The following PDS5A variants were observed in gnomAD, a reference collection of about 807,000 sequenced individuals.
PDS5A encodes the protein PDS5 cohesin associated factor A.
PDS5A carries 42 observed loss-of-function variants against 167.1 expected under a neutral mutation model. The observed-to-expected ratio is 0.25, with a 90% CI of 0.20 to 0.33. The LOEUF (loss-of-function observed/expected upper bound fraction) is 0.33. Ranked by LOEUF, PDS5A falls within the 10% of genes least tolerant of loss-of-function variation. The pLI is 1.00. For synonymous variants in PDS5A, 553 were observed against 554.6 expected (o/e 1.00, Z 0.04); for missense variants, 1,033 against 1,605.9 (o/e 0.64, Z 6.10).
chr4:39,950,105 C>T (rs1728206883), intron 2 of PDS5A, among the ~76,000 whole-genome samples: 1 of 151,994 alleles, frequency 6.6e-6, no homozygotes, highest in East Asian at 1.9e-4. Flanking sequence ...TGGGGTTTCT[C>T]CATGTTGGTC....
In PDS5A at chr4:39,917,260, AT is replaced by A. The variant is rs376344613; in HGVS notation, c.736-73del. 1.1e-3 allele frequency: 1,104 copies of A among 996,348 alleles called. 10 individuals carry two copies. The African/African-American group carries it at 0.016, about 15-fold the overall frequency. 61.7% of individuals were successfully genotyped at this position (996,348 alleles called of 1,614,324 possible). ...AAACATGGATACATTTTTAATAAAC[AT>A]TTTTTATAAATAATTTAATTAGGTA... On this transcript the variant is annotated intron_variant, in intron 7 of 32. Coordinates refer to ENST00000303538, the MANE Select transcript of PDS5A (RefSeq NM_001100399.2).
Position 39,863,001 on chromosome 4 carries a change from A to G in PDS5A, c.2839T>C (p.Leu947=), listed in dbSNP as rs1259842299. Residue 947 remains leucine, a synonymous_variant, in exon 25 of 33, where the codon TTG becomes CTG. Transcript: ENST00000303538. ...HKALVKLLLP[L]EYMAIFALCA... Reference sequence around the variant, plus strand: ...AAGGCAAAGATCGCCATATACTCCAATGGGAGCAGTAACTTCACAAGTGCC... The same window carrying G: ...AAGGCAAAGATCGCCATATACTCCAGTGGGAGCAGTAACTTCACAAGTGCC... 8.7e-6 allele frequency: 14 copies of G among 1,613,342 alleles called. No individual in the cohort carries two copies. Among genetic ancestry groups the G allele is most frequent in the Admixed American group, 1.7e-5 (1 of 59,996 alleles).
chr4:39,882,398 G>C (rs986403593), intron 17 of PDS5A, among the ~76,000 whole-genome samples: 2 of 152,052 alleles, frequency 1.3e-5, no homozygotes, highest in Admixed American at 6.5e-5. Flanking sequence ...AGAAATCTTT[G>C]CCTATCCTAT....
chr4:39,845,334 A>G (rs1173556732), intron 29 of PDS5A, among the ~76,000 whole-genome samples: 1 of 152,208 alleles, frequency 6.6e-6, no homozygotes, highest in Non-Finnish European at 1.5e-5. Flanking sequence ...ATCAAAATAC[A>G]AAGTTCCCCT....
chr4:39,829,759 G>A (rs951341294), intron 32 of PDS5A, among the ~76,000 whole-genome samples: 3 of 151,650 alleles, frequency 2.0e-5, no homozygotes, highest in Non-Finnish European at 2.9e-5. Flanking sequence ...AGACCATCCT[G>A]GCTAACACGG....
At chr4:39,826,146 G>GT (rs1437408973) in intron 32 of PDS5A, among the ~76,000 whole-genome samples, 1 of 149,654 alleles carries the variant, frequency 6.7e-6, no homozygotes, top group African/African-American at 2.5e-5. Flanking sequence ...AAACATAAAC[G>GT]TTTTAGCATA....
chr4:39,898,865 T>C (rs1305941325), intron 14 of PDS5A, 40 bp from the exon 15 acceptor site: 7 of 1,355,344 alleles, frequency 5.2e-6, no homozygotes, highest in Non-Finnish European at 5.2e-6. Flanking sequence ...ACTAGTCATA[T>C]GTGTTAACAA....
intron 16 of PDS5A, among the ~76,000 whole-genome samples, chr4:39,896,642 T>C (rs1722437535): frequency 1.3e-5 from 2 of 151,878 alleles, no homozygotes; most frequent in Admixed American, 1.3e-4. Flanking sequence ...GGCATGTGCC[T>C]ATAGTCCCAG....
At chr4:39,947,345 C>T (rs1727873929) in intron 2 of PDS5A, among the ~76,000 whole-genome samples, 1 of 151,992 alleles carries the variant, frequency 6.6e-6, no homozygotes, top group African/African-American at 2.4e-5. Flanking sequence ...CTCCCAGCTA[C>T]TCAGGAGACT....
chr4:39,848,620 C>A (rs1383095144), intron 28 of PDS5A: 3 of 433,268 alleles, frequency 6.9e-6, no homozygotes, highest in Non-Finnish European at 1.2e-5. Context: ...AATCTGAAAA[C>A]TTTAATACTA....
chr4:39,971,677 C>G (rs1279223738), intron 2 of PDS5A, among the ~76,000 whole-genome samples: 1 of 152,102 alleles, frequency 6.6e-6, no homozygotes, highest in African/African-American at 2.4e-5. Flanking sequence ...CCAGGCTGGT[C>G]TCGAACTCCT....
intron 2 of PDS5A, among the ~76,000 whole-genome samples, chr4:39,931,876 G>T (rs1560495184): frequency 6.7e-6 from 1 of 150,206 alleles, no homozygotes. Flanking sequence ...AATGACTCTG[G>T]ATTTGGTCAG....
chr4:39,930,246 A>AAAAAAAAAAAAAGTTTTTT, intron 2 of PDS5A, among the ~76,000 whole-genome samples: 5 of 93,090 alleles, frequency 5.4e-5, no homozygotes, highest in Non-Finnish European at 1.1e-4. Flanking sequence ...AAAAAAAAAA[A>AAAAAAAAAAAAAGTTTTTT]GTTTTTTTGT....
chr4:39,879,965 A>AC (rs1309382695), intron 17 of PDS5A, 132 bp from the exon 18 acceptor site: 1 of 537,472 alleles, frequency 1.9e-6, no homozygotes, highest in African/African-American at 1.9e-5. Context: ...AAAAAGTTCA[A>AC]CCTTGTCCTC....
chr4:39,957,265 G>C (rs1362827329), intron 2 of PDS5A, among the ~76,000 whole-genome samples: 2 of 151,836 alleles, frequency 1.3e-5, no homozygotes, highest in African/African-American at 4.8e-5. Flanking sequence ...GGCCAGCGTG[G>C]GGGCTCACAC....
At chr4:39,949,636 G>T (rs1728138476) in intron 2 of PDS5A, among the ~76,000 whole-genome samples, 1 of 151,368 alleles carries the variant, frequency 6.6e-6, no homozygotes, top group African/African-American at 2.4e-5. Flanking sequence ...TTCAAGACCG[G>T]ACTGGGCAAC....
rs1720297585 is a variant in PDS5A, at chr4:39,874,411, T to A, written c.2155A>T (p.Thr719Ser). ...IETDLPQIRS[T>S]LIPILHQKAK... ...TTTTGATGTAAAATGGGAATTAAGG[T>A]CCTGCAAAAAATAATATAGTTGTTT... Residue 719 changes from threonine (T) to serine (S), a missense_variant and splice_region_variant, in exon 20 of 33, where the codon ACC becomes TCC. Physicochemically the swap from Thr to Ser is moderately conservative, Grantham distance 58. Around this residue, in one of 4 missense-constraint regions of PDS5A, gnomAD observed 367 missense variants for 686.7 expected, o/e 0.53. Coordinates refer to ENST00000303538, the MANE Select transcript of PDS5A (RefSeq NM_001100399.2). 6.2e-7 allele frequency: 1 copy of A among 1,610,714 alleles called. No homozygotes were observed. The highest frequency in any genetic ancestry group is 8.5e-7 in the Non-Finnish European group (1 of 1,178,148).
At chr4:39,938,727 T>C (rs1351457152) in intron 2 of PDS5A, among the ~76,000 whole-genome samples, 2 of 151,904 alleles carry the variant, frequency 1.3e-5, no homozygotes, top group African/African-American at 4.8e-5. Context: ...ATCCCAGCAC[T>C]TTGGGAGGCT....
chr4:39,846,211 C>T (rs1247524339), intron 28 of PDS5A: 5 of 158,288 alleles, frequency 3.2e-5, no homozygotes, highest in Non-Finnish European at 6.9e-5. Context: ...ATCATAAATT[C>T]GGGCCGGGTG....
Sources: allele counts gnomAD v4.1 joint callset (sites outside exome capture counted in the v4.1 genomes callset), GRCh38; gene constraint gnomAD v4.1.1; regional missense constraint gnomAD v4.1.1; transcripts MANE v1.5; gene names NCBI Gene and HGNC (gene_info 2026-07-23, HGNC 2026-07-21).